Variants in KLK13 observed in about 807,000 individuals in gnomAD.
The protein encoded by KLK13 is kallikrein related peptidase 13.
A neutral mutation model predicts 22.4 loss-of-function variants in KLK13; 19 were observed. The observed-to-expected ratio is 0.85, with a 90% CI of 0.59 to 1.24. The LOEUF (loss-of-function observed/expected upper bound fraction) is 1.24, where lower values mean the gene tolerates loss of function less well. Among genes scored for constraint, KLK13 ranks in the 50% most tolerant of loss-of-function variants. The pLI is 0.00. For synonymous variants in KLK13, 156 were observed against 141.8 expected (o/e 1.10, Z -0.71); for missense variants, 311 against 347.9 (o/e 0.89, Z 0.84).
At chr19:51,060,193 C>T in intron 2 of KLK13, 100 bp from the exon 3 acceptor site, 1 of 1,422,024 alleles carries the variant, frequency 7.0e-7, no homozygotes, top group Non-Finnish European at 9.6e-7. Flanking sequence ...ACTTCTTCTC[C>T]ATCCTACCTT....
chr19:51,058,451 T>C (rs1568587721), intron 4 of KLK13, 87 bp downstream of exon 4: 1 of 1,531,172 alleles, frequency 6.5e-7, no homozygotes, highest in East Asian at 2.3e-5. Flanking sequence ...CCCCTAAGGC[T>C]GGAAACAAAG....
At position 51,056,785 on chromosome 19, in the gene KLK13, GGAAA is replaced by G. The variant is rs779078073; in HGVS notation, c.646-14_646-11del. 1 of 1,610,552 alleles carries G rather than the reference GGAAA, an allele frequency of 6.2e-7. No homozygotes were observed. The highest frequency in any genetic ancestry group is 8.5e-7 in the Non-Finnish European group (1 of 1,177,536). On this transcript the variant is annotated splice_polypyrimidine_tract_variant and intron_variant, in intron 4 of 4. Transcript: ENST00000595793. ...GGCCCCCAGAGTCACCCTGAGTTGG[GGAAA>G]GAAAGAGAGAGAGAGGTGGGTCCTT... is the stretch of plus-strand genomic sequence containing the variant.
intron 1 of KLK13, chr19:51,063,942 T>C (rs1055673823): frequency 9.4e-6 from 4 of 426,326 alleles, no homozygotes; most frequent in South Asian, 6.8e-5. Context: ...AGACTCCAGG[T>C]GCTGAGAGCA....
intron 3 of KLK13, among the ~76,000 whole-genome samples, chr19:51,059,003 T>C (rs1319921952): frequency 6.6e-6 from 1 of 150,808 alleles, no homozygotes; most frequent in African/African-American, 2.4e-5. Context: ...AATAGGGAGA[T>C]GGTCAGAAAT....
At chr19:51,062,740 C>T (rs767455228) in intron 1 of KLK13, among the ~76,000 whole-genome samples, 3 of 152,134 alleles carry the variant, frequency 2.0e-5, no homozygotes, top group African/African-American at 2.4e-5. Context: ...TCTCTCATTG[C>T]GCAGTTGAAG....
At chr19:51,060,172 T>G in intron 2 of KLK13, 79 bp from the exon 3 acceptor site, 4 of 1,537,318 alleles carry the variant, frequency 2.6e-6, no homozygotes, top group Non-Finnish European at 3.5e-6. Flanking sequence ...CCTCTTCCCA[T>G]CCCCAACCTA....
At chr19:51,059,264 A>C (rs1388084687) in intron 3 of KLK13, among the ~76,000 whole-genome samples, 2 of 150,756 alleles carry the variant, frequency 1.3e-5, no homozygotes, top group East Asian at 3.9e-4. Flanking sequence ...GAATTATTAG[A>C]CATTTCATTA....
chr19:51,065,448 C>G (rs113333640), upstream of KLK13, among the ~76,000 whole-genome samples: 247 of 152,256 alleles, frequency 1.6e-3, 3 homozygotes, highest in African/African-American at 5.5e-3. Flanking sequence ...GGTATTAGCC[C>G]AAGTTCTTAT....
chr19:51,064,865 G>T, intron 1 of KLK13, 151 bp downstream of exon 1: 2 of 674,036 alleles, frequency 3.0e-6, no homozygotes, highest in Non-Finnish European at 5.1e-6. Context: ...CCAGGGACAA[G>T]CAGGAAGAGC....
At chr19:51,058,001 T>C (rs2091691341) in intron 4 of KLK13, among the ~76,000 whole-genome samples, 1 of 152,204 alleles carries the variant, frequency 6.6e-6, no homozygotes, top group South Asian at 2.1e-4. Context: ...GACTTTTGTG[T>C]GAACTATTGG....
At chr19:51,060,221 T>G in intron 2 of KLK13, 128 bp from the exon 3 acceptor site, 1 of 1,200,392 alleles carries the variant, frequency 8.3e-7, no homozygotes, top group Non-Finnish European at 1.2e-6. Context: ...TCCAAATACA[T>G]CTCCCCCATC....
At position 51,060,087 on chromosome 19, in the gene KLK13, G is replaced by T. The variant is rs1255127656; in HGVS notation, c.246C>A (p.Leu82=). 2 of 1,613,150 alleles carry T rather than the reference G, an allele frequency of 1.2e-6. No homozygotes were observed. The highest frequency in any genetic ancestry group is 1.7e-6 in the Non-Finnish European group (2 of 1,179,650). Residue 82 remains leucine, a synonymous_variant, in exon 3 of 5, where the codon CTC becomes CTA. Coordinates refer to ENST00000595793, the MANE Select transcript of KLK13 (RefSeq NM_015596.3). ...GGGCGTGCTTGCCTAGGTAAACTTT[G>T]AGCCCCCTGTGGGTGCAGAAAGAAG... is the stretch of plus-strand genomic sequence containing the variant. ...LTAAHCLKEG[L]KVYLGKHALG...
In KLK13 at chr19:51,063,993, C is replaced by T. The variant is rs111248011; in HGVS notation, c.52+1023G>A. ...CTTGTACAGCACCCAGCACAGTGGC[C>T]GGTGTTTAATAGCTGTTTGTTGAAT... On this transcript the variant is annotated intron_variant, in intron 1 of 4. Coordinates refer to ENST00000595793, the MANE Select transcript of KLK13 (RefSeq NM_015596.3). The T allele has an allele frequency of 2.0e-3, 743 of 365,326 alleles. 6 individuals are homozygous for T. The highest frequency in any genetic ancestry group is 8.8e-3 in the African/African-American group (416 of 47,062). 22.6% of individuals were successfully genotyped at this position (365,326 alleles called of 1,614,324 possible).
chr19:51,060,101 T>G lies in KLK13; in HGVS notation c.240-8A>C. 1 of 1,612,606 alleles carries G rather than the reference T, an allele frequency of 6.2e-7. No individual in the cohort carries two copies. The highest frequency in any genetic ancestry group is 8.5e-7 in the Non-Finnish European group (1 of 1,179,496). On this transcript the variant is annotated splice_polypyrimidine_tract_variant and splice_region_variant and intron_variant, in intron 2 of 4. Coordinates refer to ENST00000595793, the MANE Select transcript of KLK13 (RefSeq NM_015596.3). Reference sequence around the variant, plus strand: ...AGGTAAACTTTGAGCCCCCTGTGGGTGCAGAAAGAAGGTGGTTAGGAAAGA... The same window carrying G: ...AGGTAAACTTTGAGCCCCCTGTGGGGGCAGAAAGAAGGTGGTTAGGAAAGA...
At chr19:51,057,719 C>T (rs2091688735) in intron 4 of KLK13, among the ~76,000 whole-genome samples, 1 of 152,188 alleles carries the variant, frequency 6.6e-6, no homozygotes, top group African/African-American at 2.4e-5. Flanking sequence ...TCAAGTAATC[C>T]TCTCACCTCA....
chr19:51,063,395 C>T (rs887426942), intron 1 of KLK13, among the ~76,000 whole-genome samples: 5 of 152,046 alleles, frequency 3.3e-5, no homozygotes, highest in African/African-American at 9.7e-5. Context: ...AAAAAGCTAA[C>T]TTTAAGCAAA....
At chr19:51,060,331 C>T in intron 2 of KLK13, 102 bp downstream of exon 2, 1 of 1,298,312 alleles carries the variant, frequency 7.7e-7, no homozygotes, top group Non-Finnish European at 1.1e-6. Flanking sequence ...CATGTCCATC[C>T]CCAACCCTAA....
At chr19:51,061,391 T>C (rs917631185) in intron 1 of KLK13, among the ~76,000 whole-genome samples, 1 of 152,236 alleles carries the variant, frequency 6.6e-6, no homozygotes, top group African/African-American at 2.4e-5. Flanking sequence ...TGAACTCTTC[T>C]TTAAGCTCAA....
chr19:51,065,257 G>T (rs1029558277), upstream of KLK13: 47 of 519,338 alleles, frequency 9.0e-5, no homozygotes, highest in Admixed American at 8.3e-4. Context: ...CTTGGTGGGG[G>T]TGCAGTGGCG....
Sources: allele counts gnomAD v4.1 joint callset (sites outside exome capture counted in the v4.1 genomes callset), GRCh38; gene constraint gnomAD v4.1.1; transcripts MANE v1.5; gene names NCBI Gene and HGNC (gene_info 2026-07-23, HGNC 2026-07-21).